SLF2: variants seen among roughly 807,000 people sequenced by gnomAD.
SLF2 encodes the protein SMC5-SMC6 complex localization factor protein 2.
SLF2 carries 68 observed loss-of-function variants against 124.3 expected under a neutral mutation model. The observed-to-expected ratio is 0.55, with a 90% CI of 0.45 to 0.67. The LOEUF is 0.67. Among genes scored for constraint, SLF2 ranks in the 30% least tolerant of loss-of-function variants. The probability of loss-of-function intolerance (pLI) is 0.00; values close to 1 mark genes in which losing one functional copy is unlikely to be tolerated. For missense variants in SLF2, 1,246 were observed against 1,373.7 expected, an observed-to-expected ratio of 0.91 and a Z score of 1.47; for synonymous variants, 480 against 478.8, an observed-to-expected ratio of 1.00 and a Z score of -0.03.
Position 100,917,150 on chromosome 10 carries a change from G to A in SLF2, c.765G>A (p.Glu255=), listed in dbSNP as rs774768767. The A allele has an allele frequency of 1.3e-5, 21 of 1,613,972 alleles. No homozygotes were observed. Among genetic ancestry groups the A allele is most frequent in the Non-Finnish European group, 1.4e-5 (17 of 1,180,050 alleles). ...GAGAACTAAAGAGGTTGAGAAAGGA[G>A]CAAATGGAGCAGAGAATCAACTCCG... ...RERELKRLRK[E]QMEQRINSEN... is the part of the protein sequence containing the mutation. Residue 255 remains glutamate (E), a synonymous_variant, in exon 3 of 20, where the codon GAG becomes GAA. Transcript: ENST00000238961.
At position 100,938,714 on chromosome 10, in the gene SLF2, G is replaced by A; in HGVS notation, c.2632G>A (p.Asp878Asn). 6.2e-7 allele frequency: 1 copy of A among 1,611,944 alleles called. No individual in the cohort carries two copies. The highest frequency in any genetic ancestry group is 8.5e-7 in the Non-Finnish European group (1 of 1,179,366). Residue 878 changes from aspartate to asparagine, a missense_variant, in exon 11 of 20, where the codon GAC becomes AAC. Asp to Asn is a conservative substitution (Grantham distance 23). Coordinates refer to ENST00000238961, the MANE Select transcript of SLF2 (RefSeq NM_018121.4). ...GTTTCCCCTGGAGAATCTTCAGCCA[G>A]ACTTTAATGAAGACTATCTAGTGTA... Reference protein sequence around the residue: ...SLFPLENLQPDFNEDYLVSET... With the variant: ...SLFPLENLQPNFNEDYLVSET...
At chr10:100,944,449 CG>C (rs1373290102) in intron 12 of SLF2, among the ~76,000 whole-genome samples, 3 of 138,950 alleles carry the variant, frequency 2.2e-5, no homozygotes, top group African/African-American at 8.1e-5. Context: ...GAGCCGGGAT[CG>C]TGCCACTGCA....
chr10:100,918,379 C>T lies in SLF2; in HGVS notation c.916-5C>T, dbSNP rs373424239. ...TTAATTAATTTTATCTCATTGTGCT[C>T]ATAGGAAAATGGACATCTCTCAAGA... On this transcript the variant is annotated splice_polypyrimidine_tract_variant and splice_region_variant and intron_variant, in intron 3 of 19. Coordinates refer to ENST00000238961, the MANE Select transcript of SLF2 (RefSeq NM_018121.4). The T allele has an allele frequency of 4.8e-5, 76 of 1,582,254 alleles. No homozygotes were observed. The highest frequency in any genetic ancestry group is 6.4e-5 in the Non-Finnish European group (74 of 1,160,126).
chr10:100,947,775 C>A lies in SLF2; in HGVS notation c.3048C>A (p.Cys1016Ter). 1 of 1,606,988 alleles carries A rather than the reference C, an allele frequency of 6.2e-7. No individual in the cohort carries two copies. The highest frequency in any genetic ancestry group is 8.5e-7 in the Non-Finnish European group (1 of 1,175,140). ...CTAATTCTAGGCAACTGAGACAGTG[C>A]CTCAGTCTAGTGATTATTTCAAAGC... is the stretch of plus-strand genomic sequence containing the variant. ...WTSRGRQLRQ[C>*]LSLVIISKLL... Residue 1016 changes from cysteine (C) to a stop codon, truncating the protein, a stop_gained, in exon 15 of 20, where the codon TGC becomes TGA. Transcript: ENST00000238961. LOFTEE classifies it high-confidence loss of function.
intron 13 of SLF2, among the ~76,000 whole-genome samples, chr10:100,946,772 A>G (rs143510268): frequency 6.2e-4 from 94 of 152,374 alleles, no homozygotes; most frequent in African/African-American, 2.0e-3. Flanking sequence ...TTAAATATCA[A>G]TGGGAGATAT....
chr10:100,919,148 A>G (rs1013667677), intron 4 of SLF2, among the ~76,000 whole-genome samples: 1 of 151,216 alleles, frequency 6.6e-6, no homozygotes, highest in Non-Finnish European at 1.5e-5. Context: ...AATATCTGGG[A>G]CTACAGGCGC....
intron 10 of SLF2, among the ~76,000 whole-genome samples, chr10:100,938,375 C>T (rs1218263344): frequency 2.6e-5 from 4 of 152,186 alleles, no homozygotes; most frequent in African/African-American, 4.8e-5. Context: ...ACCCTTTTAT[C>T]CATCACTCTC....
chr10:100,946,994 T>C (rs1181883805), intron 13 of SLF2, 45 bp from the exon 14 acceptor site: 3 of 1,461,744 alleles, frequency 2.1e-6, no homozygotes, highest in African/African-American at 2.8e-5. Flanking sequence ...TGTTTTATTC[T>C]ACTGTTCTGT....
Position 100,929,269 on chromosome 10 carries a change from A to T in SLF2, c.2043-48A>T, listed in dbSNP as rs183444296. 4.3e-4 allele frequency: 663 copies of T among 1,529,886 alleles called. 1 individual carries two copies. Among genetic ancestry groups the T allele is most frequent in the Non-Finnish European group, 4.2e-4 (479 of 1,137,696 alleles). 94.8% of individuals were successfully genotyped at this position (1,529,886 alleles called of 1,614,324 possible). A position where few individuals can be genotyped will look rare whatever the true frequency, so the allele number is the denominator to read the frequency against. On this transcript the variant is annotated intron_variant, in intron 6 of 19. Coordinates refer to ENST00000238961, the MANE Select transcript of SLF2 (RefSeq NM_018121.4). ...TTTAGATATAAACTAAAGACTTTTTAAAAATATTTTTAGAGTAAACTGTTA... is the reference window on the plus strand; with the variant it reads ...TTTAGATATAAACTAAAGACTTTTTTAAAATATTTTTAGAGTAAACTGTTA...
chr10:100,915,011 A>T (rs1335537466), intron 1 of SLF2, among the ~76,000 whole-genome samples: 1 of 152,212 alleles, frequency 6.6e-6, no homozygotes, highest in Non-Finnish European at 1.5e-5. Context: ...AGCATATCAT[A>T]ACATCCCCTT....
At chr10:100,952,816 G>A (rs898247094) in intron 17 of SLF2, among the ~76,000 whole-genome samples, 3 of 151,186 alleles carry the variant, frequency 2.0e-5, no homozygotes, top group Non-Finnish European at 4.4e-5. Context: ...GTGGGCACCT[G>A]TAATCCCAGC....
At chr10:100,935,808 C>CATA (rs1849837282) in intron 9 of SLF2, among the ~76,000 whole-genome samples, 2 of 149,884 alleles carry the variant, frequency 1.3e-5, no homozygotes, top group Admixed American at 6.7e-5. Flanking sequence ...AATAACTTGG[C>CATA]ATAAATATTA....
chr10:100,929,467 C>G, intron 7 of SLF2, 28 bp downstream of exon 7: 1 of 1,543,362 alleles, frequency 6.5e-7, no homozygotes, highest in East Asian at 2.3e-5. Flanking sequence ...ATGTATTTTA[C>G]CTTATTAAAG....
chr10:100,938,773 A>G, intron 11 of SLF2, 37 bp downstream of exon 11: 3 of 1,549,218 alleles, frequency 1.9e-6, no homozygotes, highest in Non-Finnish European at 2.6e-6. Context: ...CAAAAATATC[A>G]TTTCGTACGA....
At chr10:100,915,922 ATCTT>A (rs796878722) in intron 1 of SLF2, 73 bp from the exon 2 acceptor site, 8 of 1,140,598 alleles carry the variant, frequency 7.0e-6, no homozygotes, top group African/African-American at 4.6e-5. Flanking sequence ...TATTTTATAA[ATCTT>A]TCTCCATTTA....
intron 13 of SLF2, among the ~76,000 whole-genome samples, chr10:100,945,881 A>G (rs568071361): frequency 6.6e-6 from 1 of 152,368 alleles, no homozygotes; most frequent in African/African-American, 2.4e-5. Context: ...GTTAAGTACT[A>G]CAAATGAAAA....
chr10:100,953,716 G>A (rs188116312), intron 17 of SLF2, among the ~76,000 whole-genome samples: 17 of 151,708 alleles, frequency 1.1e-4, no homozygotes, highest in African/African-American at 3.9e-4. Flanking sequence ...GCAGTGGCAC[G>A]ATCTCAGCTC....
At chr10:100,923,175 AG>A (rs986042134) in intron 4 of SLF2, among the ~76,000 whole-genome samples, 2 of 152,198 alleles carry the variant, frequency 1.3e-5, no homozygotes, top group East Asian at 3.9e-4. Flanking sequence ...TTAGTTTCCT[AG>A]GGCTGCCATA....
intron 4 of SLF2, among the ~76,000 whole-genome samples, chr10:100,922,140 A>G (rs553933481): frequency 4.5e-4 from 69 of 152,268 alleles, no homozygotes; most frequent in African/African-American, 1.3e-3. Context: ...CTGGAGTGCA[A>G]TGGCACAATT....
Sources: allele counts gnomAD v4.1 joint callset (sites outside exome capture counted in the v4.1 genomes callset), GRCh38; gene constraint gnomAD v4.1.1; transcripts MANE v1.5; gene names NCBI Gene and HGNC (gene_info 2026-07-23, HGNC 2026-07-21).